The following CTNNA2 variants were observed in gnomAD, a reference collection of about 807,000 sequenced individuals.
The protein encoded by CTNNA2 is catenin alpha 2.
CTNNA2 carries 42 observed loss-of-function variants against 101.0 expected under a neutral mutation model. That is an observed-to-expected ratio of 0.42 (90% CI 0.32 to 0.54). The LOEUF (loss-of-function observed/expected upper bound fraction) is 0.54. Among genes scored for constraint, CTNNA2 ranks in the 20% least tolerant of loss-of-function variants. The pLI, the probability that CTNNA2 is intolerant of heterozygous loss-of-function variation, is 0.14. For missense variants in CTNNA2, 871 were observed against 1,223.1 expected, an observed-to-expected ratio of 0.71 and a Z score of 4.29; for synonymous variants, 450 against 456.4, an observed-to-expected ratio of 0.99 and a Z score of 0.18.
intron 3 of CTNNA2, among the ~76,000 whole-genome samples, chr2:79,808,582 G>A (rs79614201): frequency 0.059 from 8,966 of 152,132 alleles, 342 homozygotes; most frequent in Non-Finnish European, 0.087. Context: ...AGTCCGGTTT[G>A]TCAATTCTCT....
At chr2:79,699,878 T>G (rs1684890810) in intron 2 of CTNNA2, among the ~76,000 whole-genome samples, 1 of 148,196 alleles carries the variant, frequency 6.7e-6, no homozygotes, top group African/African-American at 2.5e-5. Flanking sequence ...TGTGTATATA[T>G]GTATATATAA....
In CTNNA2 at chr2:80,471,118, T is replaced by G. The variant is rs184008077; in HGVS notation, c.1290+51517T>G. ...TTATCCTAATTGCAGTGGGAAGCCATGGAGGCCTTAAGCACAGTATGATTT... is the reference window on the plus strand; with the variant it reads ...TTATCCTAATTGCAGTGGGAAGCCAGGGAGGCCTTAAGCACAGTATGATTT... On this transcript the variant is annotated intron_variant, in intron 9 of 18. Transcript: ENST00000402739. 1.5e-3 allele frequency among the ~76,000 whole-genome samples: 233 copies of G among 152,268 alleles called. 5 individuals are homozygous for G. The highest frequency in any genetic ancestry group is 6.5e-4 in the Non-Finnish European group (44 of 68,028).
At chr2:79,831,076 A>C (rs1678889546) in intron 3 of CTNNA2, among the ~76,000 whole-genome samples, 1 of 152,006 alleles carries the variant, frequency 6.6e-6, no homozygotes, top group African/African-American at 2.4e-5. Context: ...TGAAAACCAT[A>C]AATTACTGTC....
chr2:80,063,732 T>G (rs1264235608), intron 7 of CTNNA2, among the ~76,000 whole-genome samples: 3 of 152,250 alleles, frequency 2.0e-5, no homozygotes, highest in African/African-American at 7.2e-5. Flanking sequence ...AACCTGAACA[T>G]TCATTCCAGC....
chr2:79,463,181 G>T (rs1256748117), intron 4 of CTNNA2, among the ~76,000 whole-genome samples: 5 of 152,140 alleles, frequency 3.3e-5, no homozygotes, highest in Non-Finnish European at 7.3e-5. Context: ...GGAGGCCGAG[G>T]CAGGAGGATC....
intron 7 of CTNNA2, among the ~76,000 whole-genome samples, chr2:80,258,033 T>A (rs1672309503): frequency 6.6e-6 from 1 of 152,052 alleles, no homozygotes; most frequent in African/African-American, 2.4e-5. Context: ...CGTTAGAGAG[T>A]TGTATATTTA....
At chr2:80,221,055 G>T (rs1273782229) in intron 7 of CTNNA2, among the ~76,000 whole-genome samples, 1 of 151,984 alleles carries the variant, frequency 6.6e-6, no homozygotes, top group South Asian at 2.1e-4. Flanking sequence ...GCTAATTTTG[G>T]TGTTTGTAGT....
At chr2:79,346,988 G>A (rs1257669151) in intron 3 of CTNNA2, among the ~76,000 whole-genome samples, 1 of 152,104 alleles carries the variant, frequency 6.6e-6, no homozygotes, top group Admixed American at 6.6e-5. Flanking sequence ...TACCTATTGG[G>A]TACCATGTTC....
intron 11 of CTNNA2, among the ~76,000 whole-genome samples, chr2:80,550,601 G>A (rs952372346): frequency 8.5e-5 from 13 of 152,170 alleles, no homozygotes; most frequent in African/African-American, 3.1e-4. Context: ...TTTCAACAAT[G>A]TTCACACTAT....
intron 2 of CTNNA2, among the ~76,000 whole-genome samples, chr2:79,672,559 A>G (rs993723114): frequency 4.6e-5 from 7 of 152,178 alleles, no homozygotes; most frequent in African/African-American, 1.7e-4. Flanking sequence ...GTGGCCTTTT[A>G]ATATTTTAAT....
At chr2:80,380,576 G>T (rs551575792) in intron 7 of CTNNA2, among the ~76,000 whole-genome samples, 2 of 152,264 alleles carry the variant, frequency 1.3e-5, no homozygotes, top group South Asian at 4.1e-4. Context: ...AGATATATGC[G>T]CAATCTGAAA....
intron 13 of CTNNA2, among the ~76,000 whole-genome samples, chr2:80,576,707 G>A (rs1347342169): frequency 6.7e-6 from 1 of 149,900 alleles, no homozygotes. Flanking sequence ...TTGTTTTTTG[G>A]GGGAGCCGAG....
intron 6 of CTNNA2, among the ~76,000 whole-genome samples, chr2:79,875,712 C>T (rs909253693): frequency 6.6e-6 from 1 of 152,026 alleles, no homozygotes; most frequent in Non-Finnish European, 1.5e-5. Context: ...GTATCTCACA[C>T]CATATATTAT....
chr2:79,884,797 G>A (rs1015634507), intron 6 of CTNNA2, among the ~76,000 whole-genome samples: 11 of 139,672 alleles, frequency 7.9e-5, no homozygotes, highest in Middle Eastern at 4.0e-3. Context: ...TTCTCTTTCC[G>A]ATCTGGTATT....
intron 4 of CTNNA2, among the ~76,000 whole-genome samples, chr2:79,415,184 G>A (rs1678464287): frequency 6.6e-6 from 1 of 152,084 alleles, no homozygotes; most frequent in Admixed American, 6.6e-5. Flanking sequence ...TTGGTTATGA[G>A]TGAGTTCTCT....
chr2:79,908,594 A>G (rs1440785139), intron 6 of CTNNA2, among the ~76,000 whole-genome samples: 1 of 152,154 alleles, frequency 6.6e-6, no homozygotes, highest in African/African-American at 2.4e-5. Flanking sequence ...ACAGTTAATG[A>G]TCACATACCA....
At chr2:79,471,366 T>C (rs1443155385) in intron 4 of CTNNA2, among the ~76,000 whole-genome samples, 2 of 152,158 alleles carry the variant, frequency 1.3e-5, no homozygotes, top group Non-Finnish European at 2.9e-5. Context: ...GGCACCAGCA[T>C]GTTTGGGTTT....
At chr2:80,267,015 C>A (rs1673050680) in intron 7 of CTNNA2, among the ~76,000 whole-genome samples, 1 of 152,164 alleles carries the variant, frequency 6.6e-6, no homozygotes, top group Admixed American at 6.6e-5. Context: ...GAAAAAGTCA[C>A]TTTCTATGTT....
At chr2:79,439,217 A>G (rs1003746537) in intron 4 of CTNNA2, among the ~76,000 whole-genome samples, 3 of 152,258 alleles carry the variant, frequency 2.0e-5, no homozygotes, top group African/African-American at 7.2e-5. Context: ...TATTCATTCA[A>G]TGCAGTATTT....
Sources: allele counts gnomAD v4.1 joint callset (sites outside exome capture counted in the v4.1 genomes callset), GRCh38; gene constraint gnomAD v4.1.1; transcripts MANE v1.5; gene names NCBI Gene and HGNC (gene_info 2026-07-23, HGNC 2026-07-21).